Variants in COL6A1 observed in about 807,000 individuals in gnomAD.
COL6A1 encodes collagen alpha-1(VI) chain.
A neutral mutation model predicts 145.6 loss-of-function variants in COL6A1; 80 were observed. That is an observed-to-expected ratio of 0.55 (90% CI 0.46 to 0.66). COL6A1 has a LOEUF of 0.66. Ranked by LOEUF, COL6A1 falls within the 30% of genes least tolerant of loss-of-function variation. COL6A1 has a pLI of 0.00. For synonymous variants in COL6A1, 638 were observed against 622.8 expected, an observed-to-expected ratio of 1.02 and a Z score of -0.36; for missense variants, 1,364 against 1,473.8, an observed-to-expected ratio of 0.93 and a Z score of 1.22.
In COL6A1 at chr21:45,990,254, G is replaced by T. The variant is rs758332867; in HGVS notation, c.931-4G>T. 16 of 1,603,022 alleles carry T rather than the reference G, an allele frequency of 1.0e-5. No homozygotes were observed. Among genetic ancestry groups the T allele is most frequent in the African/African-American group, 2.7e-5 (2 of 74,728 alleles). The stretch of plus-strand genomic sequence containing the variant: ...CCCCTCACACCCGCTTCCTGTCTCC[G>T]CAGGGCTCCAGGGGACCCAAGGGCT... On this transcript the variant is annotated splice_region_variant and splice_polypyrimidine_tract_variant and intron_variant, in intron 11 of 34. Transcript: ENST00000361866.
intron 8 of COL6A1, 124 bp downstream of exon 8, chr21:45,987,778 G>C: frequency 1.3e-6 from 1 of 769,712 alleles, no homozygotes; most frequent in Non-Finnish European, 1.8e-6. Context: ...GGGTCCAGAT[G>C]GAGGGGACGG....
Position 46,003,638 on chromosome 21 carries a change from C to T in COL6A1, c.2712C>T (p.Val904=), listed in dbSNP as rs780582491. The change falls in exon 35 of 35, where the codon GTC becomes GTT. Residue 904 remains valine, a synonymous_variant. Transcript: ENST00000361866. Reference sequence around the variant, plus strand: ...ACTACACGGCCCTGGCCAGTGCCGTCGATGCCATGGACTTTATCAACGACG... The same window carrying T: ...ACTACACGGCCCTGGCCAGTGCCGTTGATGCCATGGACTTTATCAACGACG... ...LQNYTALASA[V]DAMDFINDAT... 4.5e-5 allele frequency: 72 copies of T among 1,612,926 alleles called. No individual in the cohort carries two copies. The highest frequency in any genetic ancestry group is 5.3e-5 in the Non-Finnish European group (62 of 1,179,950).
chr21:45,990,094 A>G (rs189163830), intron 11 of COL6A1, among the ~76,000 whole-genome samples, 164 bp from the exon 12 acceptor site: 57 of 137,718 alleles, frequency 4.1e-4, no homozygotes, highest in Non-Finnish European at 5.2e-4. Context: ...TACCCTCTGC[A>G]GAGCGGCCCC....
chr21:45,987,762 C>G (rs1269325482), intron 8 of COL6A1, 108 bp downstream of exon 8: 6 of 1,213,268 alleles, frequency 4.9e-6, no homozygotes, highest in Non-Finnish European at 6.8e-6. Context: ...CCAGAGGGGA[C>G]GGCGGGGGTC....
chr21:45,992,935 C>A, intron 19 of COL6A1, 125 bp downstream of exon 19: 1 of 805,660 alleles, frequency 1.2e-6, no homozygotes, highest in Non-Finnish European at 2.0e-6. Flanking sequence ...ACGTGGCCAG[C>A]CCATCCCCAC....
chr21:46,000,294 G>A (rs2077835834), intron 27 of COL6A1, 37 bp from the exon 28 acceptor site: 1 of 1,613,316 alleles, frequency 6.2e-7, no homozygotes, highest in Non-Finnish European at 8.5e-7. Context: ...GGGAGGGGCT[G>A]TCTATGGCCC....
At position 46,002,714 on chromosome 21, in the gene COL6A1, C is replaced by T. The variant is rs202147670; in HGVS notation, c.2434+4C>T. On this transcript the variant is annotated splice_donor_region_variant and intron_variant, in intron 33 of 34. Transcript: ENST00000361866. ...GTCACCGCCCAGATCTGCATAGGTG[C>T]GCATGGGGCCACCCGGGCAGTCCCA... The T allele has an allele frequency of 6.2e-6, 10 of 1,611,352 alleles. No individual in the cohort carries two copies. Among genetic ancestry groups the T allele is most frequent in the East Asian group, 4.5e-5 (2 of 44,790 alleles).
intron 3 of COL6A1, among the ~76,000 whole-genome samples, chr21:45,985,371 A>C (rs1018460339): frequency 6.9e-5 from 10 of 145,650 alleles, no homozygotes; most frequent in Non-Finnish European, 1.2e-4. Context: ...CAGAGAGAGA[A>C]GCACAGACAG....
In COL6A1 at chr21:45,991,983, G is replaced by A. The variant is rs201750127; in HGVS notation, c.1120-27G>A. 1.5e-5 allele frequency: 23 copies of A among 1,560,956 alleles called. No homozygotes were observed. In the East Asian group the frequency reaches 2.6e-4, roughly 18 times the overall value. On this transcript the variant is annotated intron_variant, in intron 15 of 34. Coordinates refer to ENST00000361866, the MANE Select transcript of COL6A1 (RefSeq NM_001848.3). The stretch of plus-strand genomic sequence containing the variant: ...ACCCCTGGTGCACACCCCTGCCAGC[G>A]TGTGTGACTCCCCCGGTCTTCCCCA...
At chr21:45,986,066 G>A (rs993319433) in intron 3 of COL6A1, among the ~76,000 whole-genome samples, 1 of 152,188 alleles carries the variant, frequency 6.6e-6, no homozygotes, top group African/African-American at 2.4e-5. Flanking sequence ...TTTCCCTTTC[G>A]GGGGGTTGGA....
intron 34 of COL6A1, 90 bp from the exon 35 acceptor site, chr21:46,003,301 C>T (rs978327505): frequency 7.5e-6 from 12 of 1,603,664 alleles, no homozygotes; most frequent in Middle Eastern, 1.7e-4. Flanking sequence ...GTGCCGTGCC[C>T]TCTCTGGGGA....
rs1359771351 is a variant in COL6A1 at position 45,990,281 on chromosome 21, C to T, written c.954C>T (p.Tyr318=). ...GEKGSRGPKG[Y]KGEKGKRGID... The stretch of plus-strand genomic sequence containing the variant: ...AGGGCTCCAGGGGACCCAAGGGCTA[C>T]AAGGTGAGCGTGGGCTGCTGGGAGG... The change falls in exon 12 of 35, where the codon TAC becomes TAT. Residue 318 remains tyrosine (Y), a synonymous_variant. Coordinates refer to ENST00000361866, the MANE Select transcript of COL6A1 (RefSeq NM_001848.3). 3 of 1,612,844 alleles carry T rather than the reference C, an allele frequency of 1.9e-6. No homozygotes were observed. The highest frequency in any genetic ancestry group is 2.2e-5 in the South Asian group (2 of 91,080).
chr21:45,997,476 G>C lies in COL6A1; in HGVS notation c.1454G>C (p.Gly485Ala). Residue 485 changes from glycine (G) to alanine (A), a missense_variant, in exon 21 of 35, where the codon GGG becomes GCG. Around this residue, in one of 3 missense-constraint regions of COL6A1, gnomAD observed 938 missense variants for 1,003.8 expected, o/e 0.93. Transcript: ENST00000361866. The stretch of plus-strand genomic sequence containing the variant: ...TACCGAGGCGATGAGGGTCCCCCAG[G>C]GTCCGAGGTGAGTCCCACTCCCCAC... ...KGYRGDEGPPGSEGARGAPGP... is the reference protein window; with the variant it reads ...KGYRGDEGPPASEGARGAPGP... 6.2e-7 allele frequency: 1 copy of C among 1,611,042 alleles called. No homozygotes were observed. The highest frequency in any genetic ancestry group is 8.5e-7 in the Non-Finnish European group (1 of 1,179,448).
intron 2 of COL6A1, among the ~76,000 whole-genome samples, chr21:45,983,490 C>T (rs955673439): frequency 2.6e-5 from 4 of 152,168 alleles, no homozygotes; most frequent in African/African-American, 9.6e-5. Context: ...CCTCCTTGAC[C>T]CTGCTGACTG....
At chr21:45,985,517 C>T (rs2077734456) in intron 3 of COL6A1, among the ~76,000 whole-genome samples, 1 of 152,204 alleles carries the variant, frequency 6.6e-6, no homozygotes, top group African/African-American at 2.4e-5. Context: ...CTGAAACAGA[C>T]TCATCAGACC....
Position 46,000,816 on chromosome 21 carries a change from G to C in COL6A1, c.1822+49G>C. ...GAGAGAATGGATCCCGGGGGTCGGG[G>C]AGCGAGGCCTGGGTCCCACACATGT... On this transcript the variant is annotated intron_variant, in intron 29 of 34. Transcript: ENST00000361866. 1.9e-6 allele frequency: 3 copies of C among 1,609,372 alleles called. No individual in the cohort carries two copies. In the South Asian group the frequency reaches 3.3e-5, roughly 18 times the overall value.
At chr21:45,991,908 G>A in intron 15 of COL6A1, 102 bp from the exon 16 acceptor site, 2 of 1,148,956 alleles carry the variant, frequency 1.7e-6, no homozygotes, top group African/African-American at 1.5e-5. Flanking sequence ...GTCAGAGGGA[G>A]TGGCCTGAAG....
At position 45,999,653 on chromosome 21, in the gene COL6A1, A is replaced by T. The variant is rs760714341; in HGVS notation, c.1741-4A>T. On this transcript the variant is annotated splice_polypyrimidine_tract_variant and splice_region_variant and intron_variant, in intron 26 of 34. Coordinates refer to ENST00000361866, the MANE Select transcript of COL6A1 (RefSeq NM_001848.3). ...AGAGCTCCTCTACTCCGTTTCTCGG[A>T]CAGGGACCCCCAGGACACCAAGGAC... is the stretch of plus-strand genomic sequence containing the variant. 1 of 1,613,370 alleles carries T rather than the reference A, an allele frequency of 6.2e-7. No homozygotes were observed. Among genetic ancestry groups the T allele is most frequent in the Admixed American group, 1.7e-5 (1 of 59,978 alleles).
rs796136319 is a variant in COL6A1, at chr21:45,999,874, G to GA, written c.1776+182_1776+183insA. Among the ~76,000 whole-genome samples, 23,291 of 97,196 alleles carry GA rather than the reference G, an allele frequency of 0.24. 4,781 individuals are homozygous for GA. The highest frequency in any genetic ancestry group is 0.59 in the East Asian group (1,543 of 2,612). The allele number at this position is 97,196 out of a possible 152,430, so 63.8% of individuals were successfully genotyped here. ...CATGGGAGGACCCGTGAGGATCATA[G>GA]GGGGATGTGTGAGGACCATAGAGGG... On this transcript the variant is annotated intron_variant, in intron 27 of 34. Coordinates refer to ENST00000361866, the MANE Select transcript of COL6A1 (RefSeq NM_001848.3).
Sources: gnomAD v4.1 joint callset for allele counts (sites outside exome capture counted in the v4.1 genomes callset) on GRCh38, gnomAD v4.1.1 for gene constraint, gnomAD v4.1.1 regional missense constraint, MANE v1.5 for transcripts, NCBI Gene and HGNC (gene_info 2026-07-23, HGNC 2026-07-21) for gene names.